RGS12: variants seen among roughly 807,000 people sequenced by gnomAD.
RGS12 encodes the protein regulator of G protein signaling 12, also known as regulator of G-protein signaling 12.
RGS12 carries 66 observed loss-of-function variants against 120.1 expected under a neutral mutation model. That is an observed-to-expected ratio of 0.55 (90% CI 0.45 to 0.67). The LOEUF (loss-of-function observed/expected upper bound fraction) is 0.67, where lower values mean the gene tolerates loss of function less well. Among genes scored for constraint, RGS12 ranks in the 30% least tolerant of loss-of-function variants. The probability of loss-of-function intolerance (pLI) is 0.00; values close to 1 mark genes in which losing one functional copy is unlikely to be tolerated. For missense variants in RGS12, 1,859 were observed against 1,957.7 expected, an observed-to-expected ratio of 0.95 and a Z score of 0.95; for synonymous variants, 827 against 804.7, an observed-to-expected ratio of 1.03 and a Z score of -0.47.
intron 2 of RGS12, among the ~76,000 whole-genome samples, chr4:3,323,421 T>C (rs891612025): frequency 6.6e-6 from 1 of 152,236 alleles, no homozygotes; most frequent in African/African-American, 2.4e-5. Flanking sequence ...CAGAGTTCGC[T>C]TCCTTTCATG....
intron 2 of RGS12, 96 bp downstream of exon 2, chr4:3,318,147 G>T: frequency 9.0e-7 from 1 of 1,114,278 alleles, no homozygotes; most frequent in South Asian, 1.6e-5. Context: ...CACAGTCCTG[G>T]CTTCCTCCTG....
At chr4:3,296,050 C>T (rs554773340) in intron 1 of RGS12, among the ~76,000 whole-genome samples, 3 of 152,186 alleles carry the variant, frequency 2.0e-5, no homozygotes, top group East Asian at 1.9e-4. Flanking sequence ...GGAGGAGAGC[C>T]GTTCACCCCC....
chr4:3,312,423 GGTGAACAC>G, intron 1 of RGS12: 1 of 204,232 alleles, frequency 4.9e-6, no homozygotes, highest in Admixed American at 4.7e-5. Context: ...TTGCCCACGT[GGTGAACAC>G]TGTGGACCTG....
intron 3 of RGS12, among the ~76,000 whole-genome samples, chr4:3,347,303 G>A (rs1177394537): frequency 6.6e-6 from 1 of 152,094 alleles, no homozygotes; most frequent in African/African-American, 2.4e-5. Flanking sequence ...AATTAGCCGG[G>A]CGTGGTGGTG....
At position 3,439,890 on chromosome 4, in the gene RGS12, A is replaced by T; in HGVS notation, c.*206A>T. 5.8e-6 allele frequency: 3 copies of T among 519,592 alleles called. No homozygotes were observed. The South Asian group carries it at 1.0e-4, about 18-fold the overall frequency. The allele number at this position is 519,592 out of a possible 1,614,324, so 32.2% of individuals were successfully genotyped here. ...CCCTGGCCCTGGCCTCCTGCTGCCC[A>T]ATAAAGCATTTCTGAGGACCCAAGC... is the stretch of plus-strand genomic sequence containing the variant. On this transcript the variant is annotated 3_prime_UTR_variant, in exon 18 of 18. Coordinates refer to ENST00000336727, the MANE Select transcript of RGS12 (RefSeq NM_001394154.1).
chr4:3,386,281 G>T, intron 3 of RGS12, 135 bp from the exon 4 acceptor site: 3 of 824,582 alleles, frequency 3.6e-6, no homozygotes, highest in South Asian at 3.0e-5. Flanking sequence ...TGGCTTTCCC[G>T]GGACACCTCC....
At chr4:3,297,558 A>C (rs1723452151) in intron 1 of RGS12, among the ~76,000 whole-genome samples, 2 of 152,154 alleles carry the variant, frequency 1.3e-5, no homozygotes, top group Admixed American at 6.5e-5. Context: ...CTCTTGTGTG[A>C]CTGTAAGCAT....
chr4:3,330,642 A>G lies in RGS12; in HGVS notation c.1882-12295A>G, dbSNP rs1390191325. 2.6e-5 allele frequency among the ~76,000 whole-genome samples: 4 copies of G among 152,364 alleles called. No individual in the cohort carries two copies. The East Asian group carries it at 5.8e-4, about 22-fold the overall frequency. ...GGAGTAAAAAAAATGTAGTATTTCC[A>G]TACTATGGGATCCATACACTCATTT... On this transcript the variant is annotated intron_variant, in intron 2 of 17. Coordinates refer to ENST00000336727, the MANE Select transcript of RGS12 (RefSeq NM_001394154.1).
chr4:3,430,656 C>A lies in RGS12; in HGVS notation c.3815C>A (p.Ser1272Tyr). The change falls in exon 17 of 18, where the codon TCC becomes TAC. Residue 1272 changes from serine to tyrosine, a missense_variant. Around this residue, in one of 3 missense-constraint regions of RGS12, gnomAD observed 517 missense variants for 488.5 expected, o/e 1.06. Coordinates refer to ENST00000336727, the MANE Select transcript of RGS12 (RefSeq NM_001394154.1). ...GTCCAGGAGAGCAGCGACAGCCCGT[C>A]CACCAGCCCGGGCTCAGCCTCCAGC... ...EPVQESSDSP[S>Y]TSPGSASSPP... The A allele has an allele frequency of 1.9e-6, 3 of 1,595,586 alleles. No individual in the cohort carries two copies. The East Asian group carries it at 6.7e-5, about 36-fold the overall frequency.
intron 3 of RGS12, among the ~76,000 whole-genome samples, chr4:3,381,548 G>A (rs1443972256): frequency 6.6e-6 from 1 of 152,218 alleles, no homozygotes. Flanking sequence ...AGAAGGGAAA[G>A]CAAACACGTC....
At chr4:3,290,248 G>A (rs1253863399), upstream of RGS12, among the ~76,000 whole-genome samples, 2 of 152,186 alleles carry the variant, frequency 1.3e-5, no homozygotes, top group African/African-American at 2.4e-5. Flanking sequence ...CATAATGGCT[G>A]TATCTTAACC....
chr4:3,384,899 C>T (rs1482554670), intron 3 of RGS12, among the ~76,000 whole-genome samples: 1 of 152,184 alleles, frequency 6.6e-6, no homozygotes, highest in African/African-American at 2.4e-5. Flanking sequence ...GGCATGGTTG[C>T]CCTTGCCGGC....
intron 3 of RGS12, among the ~76,000 whole-genome samples, chr4:3,358,900 CCTCCTT>C (rs1026384012): frequency 8.7e-6 from 1 of 114,812 alleles, no homozygotes; most frequent in African/African-American, 3.3e-5. Flanking sequence ...CCCTTCTCCT[CCTCCTT>C]CTCCTCCTCT....
In RGS12 at chr4:3,370,214, G is replaced by A. The variant is rs1578848345; in HGVS notation, c.1999-16202G>A. ...ACTTTTCTCACACGCACAAGCTGCGGTGTTGAATGGTGTGTCTTAGACCCG... is the reference window on the plus strand; with the variant it reads ...ACTTTTCTCACACGCACAAGCTGCGATGTTGAATGGTGTGTCTTAGACCCG... On this transcript the variant is annotated intron_variant, in intron 3 of 17. Coordinates refer to ENST00000336727, the MANE Select transcript of RGS12 (RefSeq NM_001394154.1). The A allele has an allele frequency of 3.1e-6, 5 of 1,599,572 alleles. No homozygotes were observed. The East Asian group carries it at 1.1e-4, about 36-fold the overall frequency.
chr4:3,436,809 G>A (rs574858170), intron 17 of RGS12, among the ~76,000 whole-genome samples: 394 of 152,292 alleles, frequency 2.6e-3, no homozygotes, highest in Non-Finnish European at 4.9e-3. Flanking sequence ...ATCTTGTGGG[G>A]CCTCCAGCAG....
intron 17 of RGS12, chr4:3,432,219 A>G: frequency 7.4e-6 from 7 of 943,996 alleles, no homozygotes; most frequent in Non-Finnish European, 8.8e-6. Flanking sequence ...CTTTGTTTCC[A>G]CTTTAGAAAA....
chr4:3,374,607 G>A lies in RGS12; in HGVS notation c.1999-11809G>A, dbSNP rs758445600. Among the ~76,000 whole-genome samples, 1 of 151,924 alleles carries A rather than the reference G, an allele frequency of 6.6e-6. No individual in the cohort carries two copies. The highest frequency in any genetic ancestry group is 1.5e-5 in the Non-Finnish European group (1 of 67,990). On this transcript the variant is annotated intron_variant, in intron 3 of 17. Coordinates refer to ENST00000336727, the MANE Select transcript of RGS12 (RefSeq NM_001394154.1). The surrounding 1 kb of genome is among the most constrained non-coding windows in gnomAD (Gnocchi z 6.3). ...CCCTCCCTCAGTCTGCCACATCTCAGGAAGGGATGTCCCTGTCCCTTCTGC... is the reference window on the plus strand; with the variant it reads ...CCCTCCCTCAGTCTGCCACATCTCAAGAAGGGATGTCCCTGTCCCTTCTGC...
chr4:3,309,959 A>G (rs59939497), intron 1 of RGS12, among the ~76,000 whole-genome samples: 17 of 97,074 alleles, frequency 1.8e-4, no homozygotes, highest in South Asian at 7.9e-4. Flanking sequence ...GGAACCGTGC[A>G]GGGGAGGAGC....
At chr4:3,382,485 G>A (rs542474792) in intron 3 of RGS12, among the ~76,000 whole-genome samples, 1 of 152,314 alleles carries the variant, frequency 6.6e-6, no homozygotes, top group South Asian at 2.1e-4. Context: ...TGATTCCTGT[G>A]ACCACCTTGG....
Sources: allele counts gnomAD v4.1 joint callset (sites outside exome capture counted in the v4.1 genomes callset), GRCh38; gene constraint gnomAD v4.1.1; regional missense constraint gnomAD v4.1.1; non-coding constraint Gnocchi (gnomAD v3.1); transcripts MANE v1.5; gene names NCBI Gene and HGNC (gene_info 2026-07-23, HGNC 2026-07-21).